RPS3A: variants seen among roughly 807,000 people sequenced by gnomAD.
RPS3A encodes ribosomal protein S3A.
In RPS3A, 1 loss-of-function variant was observed where a neutral mutation model predicts 26.4. That is an observed-to-expected ratio of 0.04 (90% confidence interval 0.01 to 0.18). The LOEUF is 0.18. Ranked by LOEUF, RPS3A falls within the 10% of genes least tolerant of loss-of-function variation. The pLI is 1.00. For synonymous variants in RPS3A, 97 were observed against 106.1 expected, an observed-to-expected ratio of 0.91 and a Z score of 0.53; for missense variants, 139 against 326.8, an observed-to-expected ratio of 0.43 and a Z score of 4.43.
At chr4:151,101,362 A>G (rs988132564) in intron 3 of RPS3A, among the ~76,000 whole-genome samples, 200 bp downstream of exon 3, 3 of 152,216 alleles carry the variant, frequency 2.0e-5, no homozygotes, top group African/African-American at 4.8e-5. Flanking sequence ...TTTACTTACT[A>G]TTTAAATCTA....
chr4:151,100,403 A>G, intron 1 of RPS3A, 82 bp from the exon 2 acceptor site: 3 of 801,646 alleles, frequency 3.7e-6, no homozygotes, highest in South Asian at 3.2e-5. Context: ...TTTTTAAAAT[A>G]TTAATGGGAA....
chr4:151,101,269 C>T, intron 3 of RPS3A, 107 bp downstream of exon 3: 2 of 617,438 alleles, frequency 3.2e-6, no homozygotes, highest in Non-Finnish European at 5.2e-6. Context: ...TTATTGAGAC[C>T]AGTGAAATGT....
Position 151,104,457 on chromosome 4 carries a change from T to TTTTTTTTTTG in RPS3A, c.674-10_674-9insTTTTGTTTTT. ...TTTTTTGGTTTTTTTTTTTTTTTTT[T>TTTTTTTTTTG]TTTTTGCCTTTTAGTGGGAAAGCTC... On this transcript the variant is annotated splice_polypyrimidine_tract_variant and intron_variant, in intron 5 of 5. Coordinates refer to ENST00000274065, the MANE Select transcript of RPS3A (RefSeq NM_001006.5). 3 of 1,422,978 alleles carry TTTTTTTTTTG rather than the reference T, an allele frequency of 2.1e-6. No homozygotes were observed. Among genetic ancestry groups the TTTTTTTTTTG allele is most frequent in the South Asian group, 1.5e-5 (1 of 65,768 alleles). 88.1% of individuals were successfully genotyped at this position (1,422,978 alleles called of 1,614,324 possible). A position where few individuals can be genotyped will look rare whatever the true frequency, so the allele number is the denominator to read the frequency against.
Position 151,099,638 on chromosome 4 carries a change from T to C in RPS3A, c.-15T>C, listed in dbSNP as rs1455773684. On this transcript the variant is annotated 5_prime_UTR_variant, in exon 1 of 6. Transcript: ENST00000274065. ...CGACTCCCACTTCCGCCCTTTTGGC[T>C]CTCTGACCAGCACCATGGCGGTTGG... is the stretch of plus-strand genomic sequence containing the variant. 29 of 1,613,236 alleles carry C rather than the reference T, an allele frequency of 1.8e-5. No individual in the cohort carries two copies. Among genetic ancestry groups the C allele is most frequent in the Non-Finnish European group, 2.4e-5 (28 of 1,179,818 alleles).
intron 2 of RPS3A, 47 bp downstream of exon 2, chr4:151,100,635 T>G: frequency 3.6e-6 from 4 of 1,118,114 alleles, no homozygotes; most frequent in Non-Finnish European, 5.5e-6. Context: ...TTGGCGCTTG[T>G]ATATTGTAGC....
intron 4 of RPS3A, chr4:151,103,935 C>T: frequency 6.6e-7 from 1 of 1,516,284 alleles, no homozygotes; most frequent in Non-Finnish European, 8.9e-7. Context: ...ATGGAAAAAG[C>T]ATAAGGCTTG....
At position 151,103,009 on chromosome 4, in the gene RPS3A, C is replaced by T. The variant is rs1171792547; in HGVS notation, c.493C>T (p.Arg165Trp). Reference sequence around the variant, plus strand: ...TCAGCACCAACAGGTCCGCCAAATCCGGAAGAAGATGATGGAAATCATGAC... The same window carrying T: ...TCAGCACCAACAGGTCCGCCAAATCTGGAAGAAGATGATGGAAATCATGAC... ...YAQHQQVRQIRKKMMEIMTRE... is the reference protein window; with the variant it reads ...YAQHQQVRQIWKKMMEIMTRE... The change falls in exon 4 of 6, where the codon CGG (arginine) becomes TGG (tryptophan). Residue 165 changes from arginine (R) to tryptophan (W), a missense_variant. Arg to Trp is a moderately radical substitution (Grantham distance 101, BLOSUM62 -3). Transcript: ENST00000274065. 3 of 1,601,728 alleles carry T rather than the reference C, an allele frequency of 1.9e-6. No homozygotes were observed. Among genetic ancestry groups the T allele is most frequent in the South Asian group, 1.1e-5 (1 of 91,068 alleles).
At chr4:151,102,066 T>C (rs773278262) in intron 3 of RPS3A, 5 of 518,388 alleles carry the variant, frequency 9.6e-6, no homozygotes, top group East Asian at 5.5e-5. Flanking sequence ...GAATGAATGA[T>C]GACAAAATGT....
intron 4 of RPS3A, chr4:151,103,944 T>C: frequency 1.3e-6 from 2 of 1,524,432 alleles, no homozygotes; most frequent in Non-Finnish European, 1.8e-6. Context: ...GCATAAGGCT[T>C]GGACTCAGAA....
intron 3 of RPS3A, among the ~76,000 whole-genome samples, chr4:151,101,595 C>T (rs960833820): frequency 2.6e-5 from 4 of 151,970 alleles, no homozygotes; most frequent in African/African-American, 9.7e-5. Flanking sequence ...ATTGTGTTCT[C>T]GTTGGAAAGT....
At chr4:151,100,621 T>G in intron 2 of RPS3A, 33 bp downstream of exon 2, 1 of 1,279,294 alleles carries the variant, frequency 7.8e-7, no homozygotes, top group Non-Finnish European at 1.1e-6. Context: ...GTATTTTCCT[T>G]AAGTTGGCGC....
At chr4:151,103,794 A>G in intron 4 of RPS3A, 1 of 1,349,664 alleles carries the variant, frequency 7.4e-7, no homozygotes, top group Non-Finnish European at 9.8e-7. Flanking sequence ...TACACTGAAT[A>G]GACAAAACCT....
At chr4:151,104,063 A>T in intron 4 of RPS3A, 114 bp from the exon 5 acceptor site, 1 of 1,497,718 alleles carries the variant, frequency 6.7e-7, no homozygotes, top group Non-Finnish European at 8.9e-7. Flanking sequence ...TGCAGGTTAA[A>T]TGAGGTAGGT....
chr4:151,099,864 A>T, intron 1 of RPS3A, 150 bp downstream of exon 1: 22 of 675,536 alleles, frequency 3.3e-5, no homozygotes, highest in East Asian at 8.5e-5. Context: ...CGCGGCCTGG[A>T]GGGTCGGTGT....
chr4:151,099,867 G>T (rs1024655061), intron 1 of RPS3A, 153 bp downstream of exon 1: 37 of 828,420 alleles, frequency 4.5e-5, no homozygotes, highest in African/African-American at 3.2e-4. Context: ...GGCCTGGAGG[G>T]TCGGTGTTGA....
intron 3 of RPS3A, among the ~76,000 whole-genome samples, chr4:151,101,705 C>T (rs1259196633): frequency 1.3e-5 from 2 of 152,110 alleles, no homozygotes; most frequent in Non-Finnish European, 2.9e-5. Flanking sequence ...TCAGATGTGT[C>T]TGGCTAACTA....
intron 2 of RPS3A, 40 bp downstream of exon 2, chr4:151,100,628 G>A (rs767581313): frequency 7.5e-6 from 9 of 1,203,588 alleles, no homozygotes; most frequent in Non-Finnish European, 1.1e-5. Flanking sequence ...CCTTAAGTTG[G>A]CGCTTGTATA....
Position 151,101,576 on chromosome 4 carries a change from C to T in RPS3A, c.354+414C>T, listed in dbSNP as rs539266421. Reference sequence around the variant, plus strand: ...TGGAGTGAGGTTAAAATCTGGGCTCCATTTGCCTATTGTGTTCTCGTTGGA... The same window carrying T: ...TGGAGTGAGGTTAAAATCTGGGCTCTATTTGCCTATTGTGTTCTCGTTGGA... On this transcript the variant is annotated intron_variant, in intron 3 of 5. Transcript: ENST00000274065. Among the ~76,000 whole-genome samples, 8 of 152,168 alleles carry T rather than the reference C, an allele frequency of 5.3e-5. No individual in the cohort carries two copies. In the South Asian group the frequency reaches 8.3e-4, roughly 16 times the overall value.
chr4:151,102,544 G>GA (rs754909154), intron 3 of RPS3A, among the ~76,000 whole-genome samples: 11 of 150,290 alleles, frequency 7.3e-5, no homozygotes, highest in East Asian at 2.0e-4. Context: ...TTTTACACTT[G>GA]AGGGGGTATG....
Sources: allele counts gnomAD v4.1 joint callset (sites outside exome capture counted in the v4.1 genomes callset), GRCh38; gene constraint gnomAD v4.1.1; transcripts MANE v1.5; gene names NCBI Gene and HGNC (gene_info 2026-07-23, HGNC 2026-07-21).